The following PTCH2 variants were observed in gnomAD, a reference collection of about 807,000 sequenced individuals.
The protein encoded by PTCH2 is protein patched homolog 2.
PTCH2 carries 96 observed loss-of-function variants against 117.9 expected under a neutral mutation model. The observed-to-expected ratio is 0.81, with a 90% CI of 0.69 to 0.96. PTCH2 has a LOEUF of 0.96. Ranked by LOEUF, PTCH2 falls within the 50% of genes least tolerant of loss-of-function variation. The pLI is 0.00. For synonymous variants in PTCH2, 615 were observed against 660.9 expected, an observed-to-expected ratio of 0.93 and a Z score of 1.06; for missense variants, 1,379 against 1,562.5, an observed-to-expected ratio of 0.88 and a Z score of 1.98.
intron 2 of PTCH2, among the ~76,000 whole-genome samples, chr1:44,837,122 G>T (rs34984079): frequency 6.6e-6 from 1 of 152,060 alleles, no homozygotes; most frequent in Non-Finnish European, 1.5e-5. Flanking sequence ...TTGGGCTGCC[G>T]AATTAACTGA....
Position 44,829,223 on chromosome 1 carries a change from C to T in PTCH2, c.1305G>A (p.Leu435=), listed in dbSNP as rs778271247. The change falls in exon 10 of 22, where the codon CTG becomes CTA. Residue 435 remains leucine (L), a synonymous_variant. Transcript: ENST00000372192. ...VGLAGVLLVA[L]AVASGLGLCA... The stretch of plus-strand genomic sequence containing the variant: ...AGAGCCCAAGGCCTGAGGCCACCGC[C>T]AGGGCCACCAGCAGTACCCCGGCAA... 7.4e-6 allele frequency: 12 copies of T among 1,613,450 alleles called. No homozygotes were observed. Among genetic ancestry groups the T allele is most frequent in the South Asian group, 2.2e-5 (2 of 91,088 alleles).
In PTCH2 at chr1:44,832,220, G is replaced by C. The variant is rs772262804; in HGVS notation, c.387C>G (p.Pro129=). Residue 129 remains proline, a synonymous_variant, in exon 3 of 22, where the codon CCC becomes CCG. Transcript: ENST00000372192. ...ARQEGENILT[P]EALGLHLQAA... ...CCTGGAGGTGGAGGCCAAGTGCTTC[G>C]GGTGTGAGGATGTTCTCTCCCTCCT... 2 of 1,614,148 alleles carry C rather than the reference G, an allele frequency of 1.2e-6. No homozygotes were observed. Among genetic ancestry groups the C allele is most frequent in the East Asian group, 2.2e-5 (1 of 44,876 alleles).
intron 14 of PTCH2, 51 bp downstream of exon 14, chr1:44,827,792 C>T: frequency 6.2e-7 from 1 of 1,612,716 alleles, no homozygotes; most frequent in Admixed American, 1.7e-5. Flanking sequence ...CCCTCTCTGC[C>T]CTTCTGGGCC....
Position 44,822,315 on chromosome 1 carries a change from C to T in PTCH2, c.*100G>A. The T allele has an allele frequency of 6.3e-7, 1 of 1,598,800 alleles. No homozygotes were observed. Among genetic ancestry groups the T allele is most frequent in the Non-Finnish European group, 8.5e-7 (1 of 1,177,930 alleles). ...GTCGGGAGAGGGGATGCAGCAGCAGCAGGGCCCTCCAGGGGTCCATCCTGC... is the reference window on the plus strand; with the variant it reads ...GTCGGGAGAGGGGATGCAGCAGCAGTAGGGCCCTCCAGGGGTCCATCCTGC... On this transcript the variant is annotated 3_prime_UTR_variant, in exon 22 of 22. Transcript: ENST00000372192.
Position 44,827,045 on chromosome 1 carries a change from AT to A in PTCH2, c.2551del (p.Ile851PhefsTer10). ...CCCCATGTAGAAGAGCTCGGGTGGA[AT>A]CAGTCCCTCTCTGTCCACCAGCTTC... is the stretch of plus-strand genomic sequence containing the variant. The part of the protein sequence containing the change: ...TRKLVDREGL[I>X]PPELFYMGLT... On this transcript the variant is annotated frameshift_variant, in exon 17 of 22. Transcript: ENST00000372192. LOFTEE classifies it high-confidence loss of function. 1 of 1,614,098 alleles carries A rather than the reference AT, an allele frequency of 6.2e-7. No homozygotes were observed. Among genetic ancestry groups the A allele is most frequent in the African/African-American group, 1.3e-5 (1 of 75,048 alleles).
intron 2 of PTCH2, 148 bp downstream of exon 2, chr1:44,841,699 C>G (rs1653953748): frequency 3.9e-6 from 3 of 772,994 alleles, no homozygotes; most frequent in Non-Finnish European, 6.7e-6. Flanking sequence ...GAACGGTGTT[C>G]CTAGATGCCC....
intron 2 of PTCH2, among the ~76,000 whole-genome samples, chr1:44,839,474 G>C (rs556291768): frequency 6.6e-6 from 1 of 152,016 alleles, no homozygotes; most frequent in Non-Finnish European, 1.5e-5. Flanking sequence ...CTAGGAATTG[G>C]CTACCATCCT....
intron 21 of PTCH2, among the ~76,000 whole-genome samples, 158 bp downstream of exon 21, chr1:44,822,911 A>G (rs1162375324): frequency 1.3e-5 from 2 of 152,116 alleles, no homozygotes; most frequent in Non-Finnish European, 2.9e-5. Flanking sequence ...GGGCAGGAAC[A>G]TGGTGTCTGG....
chr1:44,822,267 T>G lies in PTCH2; in HGVS notation c.*148A>C. ...AATCGGTGGCTGTTCTGTATGGATA[T>G]CAGGGAGGCCCATGACAGCTGGGTC... On this transcript the variant is annotated 3_prime_UTR_variant, in exon 22 of 22. Transcript: ENST00000372192. 1 of 1,563,964 alleles carries G rather than the reference T, an allele frequency of 6.4e-7. No individual in the cohort carries two copies. The highest frequency in any genetic ancestry group is 1.2e-5 in the South Asian group (1 of 84,750).
At chr1:44,841,764 A>C in intron 2 of PTCH2, 83 bp downstream of exon 2, 229 of 1,474,488 alleles carry the variant, frequency 1.6e-4, no homozygotes, top group Non-Finnish European at 2.0e-4. Flanking sequence ...CAGGCCTGCT[A>C]GAGCTCAGTA....
chr1:44,824,610 G>A (rs1240767598), intron 19 of PTCH2, among the ~76,000 whole-genome samples: 2 of 151,490 alleles, frequency 1.3e-5, no homozygotes, highest in Non-Finnish European at 2.9e-5. Flanking sequence ...TGATCCTCCC[G>A]CCTCAACCTC....
In PTCH2 at chr1:44,842,950, G is replaced by T. The variant is rs747819721; in HGVS notation, c.-18C>A. The T allele has an allele frequency of 1.3e-6, 2 of 1,530,600 alleles. No homozygotes were observed. The highest frequency in any genetic ancestry group is 2.5e-5 in the South Asian group (2 of 81,598). 94.8% of individuals were successfully genotyped at this position (1,530,600 alleles called of 1,614,324 possible). Reference sequence around the variant, plus strand: ...CGAGTCATGCTGGCGGGGATGGGGGGCGCGGGCGCCCCCAACCCGCGTTAT... The same window carrying T: ...CGAGTCATGCTGGCGGGGATGGGGGTCGCGGGCGCCCCCAACCCGCGTTAT... On this transcript the variant is annotated 5_prime_UTR_variant, in exon 1 of 22. Transcript: ENST00000372192.
chr1:44,822,538 G>A lies in PTCH2; in HGVS notation c.3489C>T (p.Ala1163=), dbSNP rs2148871131. 1.9e-6 allele frequency: 3 copies of A among 1,614,088 alleles called. No individual in the cohort carries two copies. The highest frequency in any genetic ancestry group is 2.5e-6 in the Non-Finnish European group (3 of 1,179,978). Reference sequence around the variant, plus strand: ...CACCAGGCAGGGGGGGTGGGTGGATGGCCACGGTCATGGAGGTAGTCACTC... The same window carrying A: ...CACCAGGCAGGGGGGGTGGGTGGATAGCCACGGTCATGGAGGTAGTCACTC... The part of the protein sequence containing the change: ...FARVTTSMTV[A]IHPPPLPGAY... The change falls in exon 22 of 22, where the codon GCC becomes GCT. Residue 1163 remains alanine, a synonymous_variant. Transcript: ENST00000372192.
intron 2 of PTCH2, among the ~76,000 whole-genome samples, chr1:44,837,854 G>A (rs1368284359): frequency 6.6e-6 from 1 of 151,806 alleles, no homozygotes; most frequent in Admixed American, 6.6e-5. Flanking sequence ...CGAGGCGGGC[G>A]GATCACGAGG....
rs777389212 is a variant in PTCH2 at position 44,822,527 on chromosome 1, G to C, written c.3500C>G (p.Pro1167Arg). ...ATGGATGTAGGCACCAGGCAGGGGG[G>C]GTGGGTGGATGGCCACGGTCATGGA... Reference protein sequence around the residue: ...TTSMTVAIHPPPLPGAYIHPA... With the variant: ...TTSMTVAIHPRPLPGAYIHPA... The change falls in exon 22 of 22, where the codon CCC (proline) becomes CGC (arginine). Residue 1167 changes from proline (P) to arginine (R), a missense_variant. Transcript: ENST00000372192. 3.1e-6 allele frequency: 5 copies of C among 1,614,066 alleles called. No individual in the cohort carries two copies. Among genetic ancestry groups the C allele is most frequent in the Non-Finnish European group, 4.2e-6 (5 of 1,179,962 alleles).
In PTCH2 at chr1:44,822,226, C is replaced by T; in HGVS notation, c.*189G>A. The T allele has an allele frequency of 2.0e-6, 3 of 1,480,190 alleles. No individual in the cohort carries two copies. The highest frequency in any genetic ancestry group is 2.4e-5 in the East Asian group (1 of 41,108). The allele number at this position is 1,480,190 out of a possible 1,614,324, so 91.7% of individuals were successfully genotyped here. A position where few individuals can be genotyped will look rare whatever the true frequency, so the allele number is the denominator to read the frequency against. ...CAAGTGACACAGATACAGGCTCACA[C>T]AGGCCTGGATGTGCAAATCGGTGGC... On this transcript the variant is annotated 3_prime_UTR_variant, in exon 22 of 22. Coordinates refer to ENST00000372192, the MANE Select transcript of PTCH2 (RefSeq NM_003738.5).
chr1:44,833,079 C>T lies in PTCH2; in HGVS notation c.266-738G>A, dbSNP rs72883561. ...GGGAGGGAGGTGTCCAGATCCTTTTCACCGCCCTCACTGTCCAGACCACAG... is the reference window on the plus strand; with the variant it reads ...GGGAGGGAGGTGTCCAGATCCTTTTTACCGCCCTCACTGTCCAGACCACAG... On this transcript the variant is annotated intron_variant, in intron 2 of 21. Coordinates refer to ENST00000372192, the MANE Select transcript of PTCH2 (RefSeq NM_003738.5). Among the ~76,000 whole-genome samples the T allele has an allele frequency of 9.6e-3, 1,458 of 152,276 alleles. 12 individuals carry two copies. The highest frequency in any genetic ancestry group is 0.033 in the African/African-American group (1,371 of 41,546).
At position 44,831,949 on chromosome 1, in the gene PTCH2, C is replaced by T. The variant is rs1258603293; in HGVS notation, c.525+26G>A. The T allele has an allele frequency of 6.3e-7, 1 of 1,597,620 alleles. No individual in the cohort carries two copies. The highest frequency in any genetic ancestry group is 2.2e-5 in the East Asian group (1 of 44,784). On this transcript the variant is annotated intron_variant, in intron 4 of 21. Coordinates refer to ENST00000372192, the MANE Select transcript of PTCH2 (RefSeq NM_003738.5). The surrounding 1 kb of genome is among the most constrained non-coding windows in gnomAD (Gnocchi z 4.3). Reference sequence around the variant, plus strand: ...CTCCCACGCTACAGAAAAAGTTCTGCCTCTACTCCCTCTCAGGACACTTAC... The same window carrying T: ...CTCCCACGCTACAGAAAAAGTTCTGTCTCTACTCCCTCTCAGGACACTTAC...
At chr1:44,839,231 C>T (rs139398511) in intron 2 of PTCH2, among the ~76,000 whole-genome samples, 248 of 151,874 alleles carry the variant, frequency 1.6e-3, no homozygotes, top group African/African-American at 5.2e-3. Context: ...AAAAATTAGC[C>T]GGGCATGGTG....
Sources: allele counts gnomAD v4.1 joint callset (sites outside exome capture counted in the v4.1 genomes callset), GRCh38; gene constraint gnomAD v4.1.1; non-coding constraint Gnocchi (gnomAD v3.1); transcripts MANE v1.5; gene names NCBI Gene and HGNC (gene_info 2026-07-23, HGNC 2026-07-21).